Variants in NFKBID observed in about 807,000 individuals in gnomAD.
The protein encoded by NFKBID is NF-kappa-B inhibitor delta.
Under a neutral mutation model 53.4 loss-of-function variants are expected in NFKBID, and 26 were observed. That is an observed-to-expected ratio of 0.49 (90% CI 0.36 to 0.68). The LOEUF is 0.68. Among genes scored for constraint, NFKBID ranks in the 30% least tolerant of loss-of-function variants. The pLI is 0.00. For synonymous variants in NFKBID, 262 were observed against 259.8 expected (o/e 1.01, Z -0.08); for missense variants, 493 against 614.1 (o/e 0.80, Z 2.08).
chr19:35,897,760 G>A, exon 4 of NFKBID: 1 of 1,608,456 alleles, frequency 6.2e-7, no homozygotes. Flanking sequence ...GGGGCTGTCA[G>A]TGTAGGCAGC....
downstream of NFKBID, chr19:35,888,050 G>C (rs549371788): frequency 2.6e-5 from 4 of 153,842 alleles, no homozygotes; most frequent in Non-Finnish European, 5.8e-5. Flanking sequence ...GCCCAGCTGA[G>C]CTCTGAATCA....
intron 1 of NFKBID, chr19:35,899,705 A>G (rs1209544381): frequency 3.2e-5 from 4 of 123,404 alleles, no homozygotes; most frequent in African/African-American, 1.3e-4. Context: ...CAGAACCCTC[A>G]CCCTTCCGAG....
At chr19:35,900,827 C>CTTTTTTTTTTTTT (rs60365058), upstream of NFKBID, among the ~76,000 whole-genome samples, 784 of 107,440 alleles carry the variant, frequency 7.3e-3, no homozygotes, top group Non-Finnish European at 8.9e-3. Flanking sequence ...TTTTTCTTTT[C>CTTTTTTTTTTTTT]TTTTTTTTTT....
exon 12 of NFKBID, chr19:35,888,378 T>C: frequency 1.7e-6 from 1 of 586,256 alleles, no homozygotes. Context: ...AAGAGGGGTA[T>C]CACAGCACCC....
chr19:35,898,903 G>A lies in NFKBID; in HGVS notation c.62-81C>T, dbSNP rs935065334. 17 of 1,084,984 alleles carry A rather than the reference G, an allele frequency of 1.6e-5. 1 individual carries two copies. Among genetic ancestry groups the A allele is most frequent in the Admixed American group, 8.5e-5 (4 of 47,078 alleles). 67.2% of individuals were successfully genotyped at this position (1,084,984 alleles called of 1,614,324 possible). ...CGCGGGGGTGGCGCGCGGGGAGTGG[G>A]TTTGGGCACCCTCCTCGCCCTCCCG... On this transcript the variant is annotated intron_variant, in intron 1 of 11. Transcript: ENST00000641389.
chr19:35,902,188 C>A, upstream of NFKBID: 1 of 703,098 alleles, frequency 1.4e-6, no homozygotes, highest in Non-Finnish European at 2.6e-6. Flanking sequence ...AACCCACTTC[C>A]CTACCTTTCA....
chr19:35,894,041 G>C (rs974224229), intron 9 of NFKBID, among the ~76,000 whole-genome samples: 1 of 152,088 alleles, frequency 6.6e-6, no homozygotes, highest in Non-Finnish European at 1.5e-5. Context: ...GCTCACCTGA[G>C]GTCAGGAGTT....
chr19:35,892,522 C>T (rs1004094579), intron 9 of NFKBID, among the ~76,000 whole-genome samples: 1 of 146,952 alleles, frequency 6.8e-6, no homozygotes, highest in South Asian at 2.1e-4. Flanking sequence ...CCAACCTGGG[C>T]GACAGAGCGA....
upstream of NFKBID, chr19:35,901,677 TCCACTTG>T: frequency 6.5e-6 from 1 of 154,678 alleles, no homozygotes; most frequent in South Asian, 1.8e-4. Flanking sequence ...CACTGCAACC[TCCACTTG>T]CCTCAGTCTC....
chr19:35,896,579 C>T lies in NFKBID; in HGVS notation c.685-41G>A. The T allele has an allele frequency of 6.2e-7, 1 of 1,609,032 alleles. No individual in the cohort carries two copies. Among genetic ancestry groups the T allele is most frequent in the Non-Finnish European group, 8.5e-7 (1 of 1,176,462 alleles). The stretch of plus-strand genomic sequence containing the variant: ...GAAGTCAGGTTGGGCTCCTGGTTCC[C>T]TCCCGTCAGAAAACCAGGCTCCCAG... On this transcript the variant is annotated intron_variant, in intron 6 of 11. Transcript: ENST00000641389. This position sits in a 1 kb window ranked among gnomAD's most constrained non-coding sequence, Gnocchi z 5.7.
chr19:35,889,743 T>A (rs1449251178), intron 11 of NFKBID, 147 bp downstream of exon 11: 1 of 780,296 alleles, frequency 1.3e-6, no homozygotes, highest in African/African-American at 1.7e-5. Context: ...AGAGGTCACA[T>A]TATAGAGTCA....
rs73590883 is a variant in NFKBID at position 35,896,476 on chromosome 19, C to G, written c.747G>C (p.Leu249=). 54,917 of 1,614,136 alleles carry G rather than the reference C, an allele frequency of 0.034. 1,070 individuals carry two copies. Among genetic ancestry groups the G allele is most frequent in the African/African-American group, 0.066 (4,965 of 75,038 alleles). The change falls in exon 7 of 12, where the codon CTG becomes CTC. Residue 249 remains leucine, a synonymous_variant. Coordinates refer to ENST00000641389, the Ensembl canonical transcript of NFKBID. The surrounding 1 kb of genome is among the most constrained non-coding windows in gnomAD (Gnocchi z 5.7). ...GGTCAGCGGCATTGGGCTCTGCTCC[C>G]AGGTTCAACAGATCCTCCACAATCA...
intron 10 of NFKBID, among the ~76,000 whole-genome samples, 158 bp from the exon 11 acceptor site, chr19:35,890,212 C>T (rs1332830668): frequency 6.6e-6 from 1 of 152,146 alleles, no homozygotes; most frequent in African/African-American, 2.4e-5. Flanking sequence ...CCTGTGTCCA[C>T]GGACTACATG....
intron 11 of NFKBID, among the ~76,000 whole-genome samples, chr19:35,889,490 C>T (rs1429402262): frequency 6.6e-6 from 1 of 151,916 alleles, no homozygotes; most frequent in African/African-American, 2.4e-5. Flanking sequence ...CTGGGGGTTC[C>T]CACCTGGGGG....
At chr19:35,897,523 T>A in intron 4 of NFKBID, 128 bp downstream of exon 4, 1 of 696,490 alleles carries the variant, frequency 1.4e-6, no homozygotes, top group Non-Finnish European at 2.6e-6. Context: ...GGATTACAGG[T>A]GTGAGCCACC....
intron 3 of NFKBID, 121 bp from the exon 4 acceptor site, chr19:35,897,977 C>T (rs927781592): frequency 3.6e-5 from 24 of 672,240 alleles, no homozygotes; most frequent in South Asian, 9.3e-5. Flanking sequence ...GGACACCAAG[C>T]TCCCGGGACC....
At chr19:35,901,517 C>T (rs1315486841), upstream of NFKBID, 1 of 152,222 alleles carries the variant, frequency 6.6e-6, no homozygotes, top group Non-Finnish European at 1.5e-5. Context: ...CACTTGGTGA[C>T]CTTTCACAGC....
intron 3 of NFKBID, 67 bp from the exon 4 acceptor site, chr19:35,897,923 A>G: frequency 1.8e-6 from 2 of 1,125,114 alleles, no homozygotes; most frequent in Non-Finnish European, 2.6e-6. Flanking sequence ...ATCCAGGGCT[A>G]GAGGGCCTGG....
rs764277850 is a variant in NFKBID, at chr19:35,896,712, GC to G, written c.684+13del. 2 of 1,610,590 alleles carry G rather than the reference GC, an allele frequency of 1.2e-6. No individual in the cohort carries two copies. The highest frequency in any genetic ancestry group is 2.7e-5 in the African/African-American group (2 of 74,844). On this transcript the variant is annotated intron_variant, in intron 6 of 11. Coordinates refer to ENST00000641389, the Ensembl canonical transcript of NFKBID. The surrounding 1 kb of genome is among the most constrained non-coding windows in gnomAD (Gnocchi z 5.7). ...CTCCCCTGAACCCAGGAGAGTTCAG[GC>G]CCCAAGCCTCACCTTGCCCTTATGC...
Sources: allele counts gnomAD v4.1 joint callset (sites outside exome capture counted in the v4.1 genomes callset), GRCh38; gene constraint gnomAD v4.1.1; non-coding constraint Gnocchi (gnomAD v3.1); transcripts MANE v1.5; gene names NCBI Gene and HGNC (gene_info 2026-07-23, HGNC 2026-07-21).